The following EXOC6B variants were observed in gnomAD, a reference collection of about 807,000 sequenced individuals.
The protein encoded by EXOC6B is SEC15 homolog B.
Under a neutral mutation model 113.5 loss-of-function variants are expected in EXOC6B, and 54 were observed. That is an observed-to-expected ratio of 0.48 (90% CI 0.38 to 0.60). The LOEUF (loss-of-function observed/expected upper bound fraction) is 0.60, where lower values mean the gene tolerates loss of function less well. Ranked by LOEUF, EXOC6B falls within the 20% of genes least tolerant of loss-of-function variation. EXOC6B has a pLI of 0.00. For missense variants in EXOC6B, 797 were observed against 977.5 expected, an observed-to-expected ratio of 0.82 and a Z score of 2.46; for synonymous variants, 357 against 339.0, an observed-to-expected ratio of 1.05 and a Z score of -0.58.
At chr2:72,212,463 T>C (rs562879179) in intron 20 of EXOC6B, among the ~76,000 whole-genome samples, 4 of 152,208 alleles carry the variant, frequency 2.6e-5, no homozygotes, top group Admixed American at 6.5e-5. Context: ...TGAGAAGGGA[T>C]AAAAGAAGAA....
chr2:72,275,153 T>C (rs1177792436), intron 20 of EXOC6B, among the ~76,000 whole-genome samples: 1 of 152,168 alleles, frequency 6.6e-6, no homozygotes, highest in African/African-American at 2.4e-5. Flanking sequence ...GCTAGTAATT[T>C]GCATATTTAC....
rs535157734 is a variant in EXOC6B at position 72,185,881 on chromosome 2, A to C, written c.2197-1694T>G. Among the ~76,000 whole-genome samples, 265 of 151,450 alleles carry C rather than the reference A, an allele frequency of 1.7e-3. 3 individuals carry two copies. Among genetic ancestry groups the C allele is most frequent in the African/African-American group, 6.4e-3 (262 of 41,178 alleles). ...TACATTATGTATATCTCCTAATGCT[A>C]TCCCTCCCCCTCCCCCCAACCCCAC... On this transcript the variant is annotated intron_variant, in intron 20 of 21. Transcript: ENST00000272427.
intron 6 of EXOC6B, among the ~76,000 whole-genome samples, chr2:72,673,324 G>A (rs541467422): frequency 1.3e-5 from 2 of 152,116 alleles, no homozygotes; most frequent in Middle Eastern, 3.2e-3. Context: ...TAGGGTATTG[G>A]TATTTACTGA....
At chr2:72,592,809 T>C (rs1194962809) in intron 6 of EXOC6B, among the ~76,000 whole-genome samples, 2 of 152,148 alleles carry the variant, frequency 1.3e-5, no homozygotes, top group Non-Finnish European at 2.9e-5. Context: ...TGAACACCCT[T>C]GGAATTTCTG....
intron 17 of EXOC6B, among the ~76,000 whole-genome samples, chr2:72,473,638 ATATTT>A (rs944226556): frequency 6.6e-6 from 1 of 152,022 alleles, no homozygotes; most frequent in Non-Finnish European, 1.5e-5. Flanking sequence ...ACCAGTCTAT[ATATTT>A]TAAGTAAAGA....
At chr2:72,782,150 A>G (rs1248213624) in intron 1 of EXOC6B, among the ~76,000 whole-genome samples, 1 of 151,662 alleles carries the variant, frequency 6.6e-6, no homozygotes, top group Non-Finnish European at 1.5e-5. Flanking sequence ...AAAAAAAAAA[A>G]AAAAAGAAAA....
chr2:72,508,662 T>A (rs1191242111), intron 11 of EXOC6B, among the ~76,000 whole-genome samples: 2 of 152,044 alleles, frequency 1.3e-5, no homozygotes, highest in Non-Finnish European at 2.9e-5. Context: ...TAATTCCAGC[T>A]ACTTGGGAGG....
At position 72,228,955 on chromosome 2, in the gene EXOC6B, A is replaced by G. The variant is rs561606928; in HGVS notation, c.2197-44768T>C. 3.9e-5 allele frequency among the ~76,000 whole-genome samples: 6 copies of G among 152,206 alleles called. No individual in the cohort carries two copies. The South Asian group carries it at 1.0e-3, about 26-fold the overall frequency. On this transcript the variant is annotated intron_variant, in intron 20 of 21. Transcript: ENST00000272427. ...GTTTCCTGACTTTTTAATGATCGCT[A>G]TTCTAATTGGTGTGAGATGGTATCT...
In EXOC6B at chr2:72,176,678, A is replaced by T. The variant is rs779067377; in HGVS notation, c.*2657T>A. On this transcript the variant is annotated 3_prime_UTR_variant, in exon 22 of 22. Transcript: ENST00000272427. ...TCCCTATGAATGTTAAAATGATGCA[A>T]GCAGCCTATATTACTACTGAAACCT... The T allele has an allele frequency of 6.6e-6, 1 of 152,214 alleles. No homozygotes were observed. Among genetic ancestry groups the T allele is most frequent in the Non-Finnish European group, 1.5e-5 (1 of 68,046 alleles). The allele number at this position is 152,214 out of a possible 1,614,324, so 9.4% of individuals were successfully genotyped here.
intron 18 of EXOC6B, among the ~76,000 whole-genome samples, chr2:72,456,214 T>C (rs1185996696): frequency 6.6e-6 from 1 of 152,186 alleles, no homozygotes; most frequent in Non-Finnish European, 1.5e-5. Flanking sequence ...CTCTTTCTTA[T>C]TTGGAGAAAC....
chr2:72,438,825 G>A (rs582918), intron 18 of EXOC6B, among the ~76,000 whole-genome samples: 150,538 of 152,262 alleles, frequency 0.99, 74,424 homozygotes, highest in East Asian at 1. Flanking sequence ...TTGCTATAGG[G>A]TGTCTGAAGG....
intron 19 of EXOC6B, among the ~76,000 whole-genome samples, chr2:72,342,653 G>A (rs544305742): frequency 1.2e-3 from 179 of 152,210 alleles, no homozygotes; most frequent in Non-Finnish European, 2.1e-3. Flanking sequence ...ATTAAAATGA[G>A]TCAGGTGTGG....
At chr2:72,630,863 C>T (rs1573517446) in intron 6 of EXOC6B, among the ~76,000 whole-genome samples, 1 of 151,982 alleles carries the variant, frequency 6.6e-6, no homozygotes, top group East Asian at 1.9e-4. Context: ...TTTCTAAAGC[C>T]CAAGTGCCAA....
chr2:72,795,200 A>C (rs904226631), intron 1 of EXOC6B, among the ~76,000 whole-genome samples: 2 of 152,204 alleles, frequency 1.3e-5, no homozygotes, highest in Non-Finnish European at 2.9e-5. Flanking sequence ...CTAGACTGAA[A>C]AGGCCTTAAA....
intron 20 of EXOC6B, among the ~76,000 whole-genome samples, chr2:72,191,515 G>C (rs2104281330): frequency 6.6e-6 from 1 of 152,150 alleles, no homozygotes; most frequent in Admixed American, 6.5e-5. Context: ...TTGTTGTTTT[G>C]TTTTGTTTTG....
chr2:72,497,505 G>C (rs897523481), intron 13 of EXOC6B, among the ~76,000 whole-genome samples: 32 of 152,022 alleles, frequency 2.1e-4, no homozygotes, highest in African/African-American at 7.7e-4. Context: ...CGTCAGATCA[G>C]AGCATCTAAG....
intron 17 of EXOC6B, among the ~76,000 whole-genome samples, chr2:72,469,322 G>A (rs974202309): frequency 1.1e-4 from 17 of 151,612 alleles, no homozygotes; most frequent in Non-Finnish European, 2.4e-4. Flanking sequence ...TTCATTATTG[G>A]TATTATTATT....
At chr2:72,364,967 C>G (rs1453108586) in intron 19 of EXOC6B, among the ~76,000 whole-genome samples, 2 of 152,096 alleles carry the variant, frequency 1.3e-5, no homozygotes, top group Non-Finnish European at 2.9e-5. Context: ...TCTCAAGAAT[C>G]AATTTTGACT....
At chr2:72,280,916 G>C (rs1242617533) in intron 20 of EXOC6B, among the ~76,000 whole-genome samples, 1 of 152,054 alleles carries the variant, frequency 6.6e-6, no homozygotes, top group Non-Finnish European at 1.5e-5. Context: ...GGGAAGAACA[G>C]AAAACAGCCT....
Sources: gnomAD v4.1 joint callset for allele counts (sites outside exome capture counted in the v4.1 genomes callset) on GRCh38, gnomAD v4.1.1 for gene constraint, MANE v1.5 for transcripts, NCBI Gene and HGNC (gene_info 2026-07-23, HGNC 2026-07-21) for gene names.